The following NEO1 variants were observed in gnomAD, a reference collection of about 807,000 sequenced individuals.
NEO1 encodes neogenin.
Under a neutral mutation model 159.7 loss-of-function variants are expected in NEO1, and 63 were observed. The ratio of observed to expected loss-of-function variants is 0.39; its 90% CI spans 0.32 to 0.49. The LOEUF (loss-of-function observed/expected upper bound fraction) is 0.49. Among genes scored for constraint, NEO1 ranks in the 20% least tolerant of loss-of-function variants. The pLI is 0.85. For missense variants in NEO1, 1,615 were observed against 1,831.0 expected, an observed-to-expected ratio of 0.88 and a Z score of 2.15; for synonymous variants, 633 against 662.0, an observed-to-expected ratio of 0.96 and a Z score of 0.67.
At position 73,236,990 on chromosome 15, in the gene NEO1, C is replaced by T. The variant is rs146928006; in HGVS notation, c.1451+484C>T. Among the ~76,000 whole-genome samples the T allele has an allele frequency of 9.2e-3, 1,401 of 152,284 alleles. 25 individuals carry two copies. The highest frequency in any genetic ancestry group is 0.032 in the African/African-American group (1,328 of 41,556). On this transcript the variant is annotated intron_variant, in intron 8 of 28. Coordinates refer to ENST00000261908, the MANE Select transcript of NEO1 (RefSeq NM_002499.4). ...CACCCCCTCAGGAGCTCACATTGCT[C>T]ATAGGGGAAGATCTATAATGTCCAG...
chr15:73,123,256 C>T (rs2071775837), intron 3 of NEO1, among the ~76,000 whole-genome samples: 1 of 151,994 alleles, frequency 6.6e-6, no homozygotes, highest in African/African-American at 2.4e-5. Flanking sequence ...GAAAATGTGC[C>T]AGAAGATCCA....
chr15:73,290,439 G>A (rs2042121997), intron 25 of NEO1, among the ~76,000 whole-genome samples: 2 of 151,598 alleles, frequency 1.3e-5, no homozygotes, highest in African/African-American at 2.4e-5. Flanking sequence ...CACCATATTG[G>A]CCAGGCTGGT....
intron 11 of NEO1, among the ~76,000 whole-genome samples, chr15:73,250,627 C>A (rs575484675): frequency 1.3e-5 from 2 of 151,940 alleles, no homozygotes; most frequent in South Asian, 4.2e-4. Context: ...TCAGACAAAT[C>A]CAAATTGAGG....
rs377518792 is a variant in NEO1, at chr15:73,135,729, C to T, written c.879-162C>T. Among the ~76,000 whole-genome samples the T allele has an allele frequency of 3.5e-4, 53 of 152,152 alleles. 1 individual carries two copies. In the South Asian group the frequency reaches 0.011, roughly 31 times the overall value. Reference sequence around the variant, plus strand: ...TAAAATATGAGCAAAGCAAATTGGACTAAATTAAATTCTGGTAATTTTATA... The same window carrying T: ...TAAAATATGAGCAAAGCAAATTGGATTAAATTAAATTCTGGTAATTTTATA... On this transcript the variant is annotated intron_variant, in intron 4 of 28. Transcript: ENST00000261908.
At position 73,116,555 on chromosome 15, in the gene NEO1, C is replaced by T. The variant is rs754528139; in HGVS notation, c.146C>T (p.Thr49Met). ...ATTTTTGTAGGAGCCAGCATTCGAA[C>T]GTTCACTCCATTTTATTTTCTGGTG... ...APQSPGASIR[T>M]FTPFYFLVEP... Residue 49 changes from threonine (T) to methionine (M), a missense_variant, in exon 2 of 29, where the codon ACG becomes ATG. Coordinates refer to ENST00000261908, the MANE Select transcript of NEO1 (RefSeq NM_002499.4). The T allele has an allele frequency of 1.8e-5, 27 of 1,523,744 alleles. 1 individual carries two copies. The Middle Eastern group carries it at 5.3e-4, about 30-fold the overall frequency. The allele number at this position is 1,523,744 out of a possible 1,614,324, so 94.4% of individuals were successfully genotyped here.
intron 5 of NEO1, among the ~76,000 whole-genome samples, chr15:73,157,111 G>A (rs2033838921): frequency 6.6e-6 from 1 of 152,168 alleles, no homozygotes; most frequent in Non-Finnish European, 1.5e-5. Flanking sequence ...CTGCAACTCA[G>A]TCCAGGGCCT....
At chr15:73,071,865 C>A (rs2068548407) in intron 1 of NEO1, among the ~76,000 whole-genome samples, 1 of 151,854 alleles carries the variant, frequency 6.6e-6, no homozygotes. Context: ...AAAACAATTG[C>A]CGTTCTCTGA....
chr15:73,179,875 A>G (rs2035500758), intron 7 of NEO1, among the ~76,000 whole-genome samples: 2 of 150,848 alleles, frequency 1.3e-5, no homozygotes, highest in Admixed American at 1.3e-4. Flanking sequence ...ATATATATAT[A>G]TATACACTGT....
At chr15:73,167,036 A>G (rs2034615862) in intron 5 of NEO1, among the ~76,000 whole-genome samples, 1 of 150,442 alleles carries the variant, frequency 6.6e-6, no homozygotes, top group Non-Finnish European at 1.5e-5. Context: ...CAAAAAACCA[A>G]ACACTGCATG....
chr15:73,074,855 G>A (rs1194399952), intron 1 of NEO1, among the ~76,000 whole-genome samples: 2 of 152,142 alleles, frequency 1.3e-5, no homozygotes, highest in African/African-American at 4.8e-5. Context: ...TACAACCAGG[G>A]TTGGGGTGCA....
intron 1 of NEO1, among the ~76,000 whole-genome samples, chr15:73,067,969 A>G (rs1665195432): frequency 6.6e-6 from 1 of 152,076 alleles, no homozygotes; most frequent in Admixed American, 6.6e-5. Context: ...TATTTCAGGT[A>G]TAGATGAAAG....
intron 5 of NEO1, among the ~76,000 whole-genome samples, chr15:73,148,064 C>T (rs530463825): frequency 9.2e-5 from 14 of 152,220 alleles, no homozygotes; most frequent in East Asian, 7.7e-4. Context: ...CCACCCACCC[C>T]GGCCTCCCAA....
intron 7 of NEO1, among the ~76,000 whole-genome samples, chr15:73,212,198 C>T (rs2037621686): frequency 6.6e-6 from 1 of 152,198 alleles, no homozygotes; most frequent in Middle Eastern, 3.4e-3. Context: ...TCTCCTATTG[C>T]CAAGGGTGAG....
intron 7 of NEO1, among the ~76,000 whole-genome samples, chr15:73,207,270 A>G (rs2037293856): frequency 6.6e-6 from 1 of 152,228 alleles, no homozygotes. Context: ...TATTGTTACT[A>G]TTTGTATATA....
chr15:73,227,905 C>T (rs1168228461), intron 7 of NEO1, among the ~76,000 whole-genome samples: 1 of 152,158 alleles, frequency 6.6e-6, no homozygotes, highest in Non-Finnish European at 1.5e-5. Context: ...GAACACTGTC[C>T]TGAGATGTTT....
At chr15:73,186,593 T>A (rs2035943961) in intron 7 of NEO1, among the ~76,000 whole-genome samples, 1 of 152,148 alleles carries the variant, frequency 6.6e-6, no homozygotes, top group African/African-American at 2.4e-5. Context: ...CTTCTTTTTT[T>A]TTCACTCTAA....
chr15:73,070,512 C>T (rs2068479105), intron 1 of NEO1, among the ~76,000 whole-genome samples: 1 of 152,088 alleles, frequency 6.6e-6, no homozygotes, highest in Non-Finnish European at 1.5e-5. Flanking sequence ...GAAAGTGAAT[C>T]ATGGAAGAGC....
rs183997266 is a variant in NEO1 at position 73,073,020 on chromosome 15, T to G, written c.130+20215T>G. ...AAGAACATGCGTTTAATTTTGGACA[T>G]TATGAATTTGATACACCTTTGTGAT... is the stretch of plus-strand genomic sequence containing the variant. On this transcript the variant is annotated intron_variant, in intron 1 of 28. Coordinates refer to ENST00000261908, the MANE Select transcript of NEO1 (RefSeq NM_002499.4). 3.3e-5 allele frequency among the ~76,000 whole-genome samples: 5 copies of G among 152,280 alleles called. No homozygotes were observed. In the East Asian group the frequency reaches 9.6e-4, roughly 29 times the overall value.
chr15:73,073,814 G>T (rs2068646470), intron 1 of NEO1, among the ~76,000 whole-genome samples: 1 of 152,134 alleles, frequency 6.6e-6, no homozygotes, highest in South Asian at 2.1e-4. Context: ...ACCATACTAG[G>T]AGATTTAACA....
Sources: gnomAD v4.1 joint callset for allele counts (sites outside exome capture counted in the v4.1 genomes callset) on GRCh38, gnomAD v4.1.1 for gene constraint, MANE v1.5 for transcripts, NCBI Gene and HGNC (gene_info 2026-07-23, HGNC 2026-07-21) for gene names.